The following HPGDS variants were observed in gnomAD, a reference collection of about 807,000 sequenced individuals.
HPGDS encodes the protein GST class-sigma.
A neutral mutation model predicts 23.1 loss-of-function variants in HPGDS; 26 were observed. That is an observed-to-expected ratio of 1.13 (90% confidence interval 0.83 to 1.56). The LOEUF is 1.56. Among genes scored for constraint, HPGDS ranks in the 40% most tolerant of loss-of-function variants. HPGDS has a pLI of 0.00. For synonymous variants in HPGDS, 95 were observed against 77.9 expected, an observed-to-expected ratio of 1.22 and a Z score of -1.16; for missense variants, 268 against 236.4, an observed-to-expected ratio of 1.13 and a Z score of -0.88.
At position 94,299,309 on chromosome 4, in the gene HPGDS, A is replaced by C; in HGVS notation, c.*171T>G. 3 of 570,560 alleles carry C rather than the reference A, an allele frequency of 5.3e-6. No homozygotes were observed. Among genetic ancestry groups the C allele is most frequent in the Non-Finnish European group, 8.9e-6 (3 of 336,368 alleles). 35.3% of individuals were successfully genotyped at this position (570,560 alleles called of 1,614,324 possible). A position where few individuals can be genotyped will look rare whatever the true frequency, so the allele number is the denominator to read the frequency against. On this transcript the variant is annotated 3_prime_UTR_variant, in exon 6 of 6. Transcript: ENST00000295256. ...GCTATTCTGAAAGAAAAAGATACTG[A>C]AGAAAGATTTGTTTTTATTTTCCTT... is the stretch of plus-strand genomic sequence containing the variant.
chr4:94,300,226 T>C (rs114246916), intron 5 of HPGDS, among the ~76,000 whole-genome samples: 35 of 152,346 alleles, frequency 2.3e-4, no homozygotes, highest in African/African-American at 8.4e-4. Context: ...TTAGAGGGTA[T>C]ATAATTTCAA....
At chr4:94,340,305 C>CTTTTTT (rs781532046) in intron 1 of HPGDS, among the ~76,000 whole-genome samples, 2 of 26,200 alleles carry the variant, frequency 7.6e-5, no homozygotes, top group African/African-American at 2.9e-4. Flanking sequence ...TTCTTTCTTT[C>CTTTTTT]TTTCTCTTTT....
chr4:94,315,485 G>GT (rs918092409), intron 3 of HPGDS, among the ~76,000 whole-genome samples: 7 of 151,702 alleles, frequency 4.6e-5, no homozygotes, highest in Non-Finnish European at 5.9e-5. Flanking sequence ...ATAATAGAGG[G>GT]TTTTTTTTCT....
At chr4:94,340,309 CTCTTTTTTTTTTTTTTTTTTTTTTTTTTT>C (rs1721124637) in intron 1 of HPGDS, among the ~76,000 whole-genome samples, 1 of 28,762 alleles carries the variant, frequency 3.5e-5, no homozygotes, top group East Asian at 1.2e-3. Flanking sequence ...TTCTTTCTTT[CTCTTTTTTTTTTTTTTTTTTTTTTTTTTT>C]TTTTTTTTTT....
chr4:94,319,659 C>T (rs934082502), intron 2 of HPGDS, among the ~76,000 whole-genome samples: 3 of 152,132 alleles, frequency 2.0e-5, no homozygotes, highest in Admixed American at 6.5e-5. Context: ...TAGATATCAT[C>T]CTTTCACTTC....
intron 2 of HPGDS, among the ~76,000 whole-genome samples, chr4:94,322,417 T>C (rs1560591287): frequency 6.6e-6 from 1 of 152,236 alleles, no homozygotes; most frequent in Non-Finnish European, 1.5e-5. Context: ...TGGTAGGCTA[T>C]TAATTATTGC....
chr4:94,338,908 C>A (rs1025866894), intron 1 of HPGDS, among the ~76,000 whole-genome samples: 20 of 152,066 alleles, frequency 1.3e-4, no homozygotes, highest in African/African-American at 4.8e-4. Flanking sequence ...ACCAAAATAG[C>A]CAAGACAAAG....
chr4:94,299,854 T>C (rs915143258), intron 5 of HPGDS, among the ~76,000 whole-genome samples: 1 of 152,228 alleles, frequency 6.6e-6, no homozygotes, highest in African/African-American at 2.4e-5. Context: ...GTGTATAAGA[T>C]ATTTTTCTAT....
intron 2 of HPGDS, among the ~76,000 whole-genome samples, chr4:94,331,143 T>C (rs1232312556): frequency 2.0e-5 from 3 of 152,218 alleles, no homozygotes; most frequent in Non-Finnish European, 4.4e-5. Context: ...GCTCTTCTTA[T>C]AGGTGCATAT....
chr4:94,299,730 T>C, intron 5 of HPGDS, 86 bp from the exon 6 acceptor site: 2 of 1,234,774 alleles, frequency 1.6e-6, no homozygotes. Context: ...TTTCTTAATC[T>C]AAAAGATTCA....
At chr4:94,319,420 G>T (rs1475952941) in intron 2 of HPGDS, among the ~76,000 whole-genome samples, 1 of 152,138 alleles carries the variant, frequency 6.6e-6, no homozygotes, top group East Asian at 1.9e-4. Context: ...CAGGTGAACA[G>T]AGTTAATTGT....
intron 2 of HPGDS, among the ~76,000 whole-genome samples, chr4:94,325,233 G>C (rs1377951134): frequency 6.6e-6 from 1 of 152,154 alleles, no homozygotes; most frequent in Non-Finnish European, 1.5e-5. Flanking sequence ...GCTACTCGGG[G>C]GTCAGGGACC....
At chr4:94,304,663 G>C (rs1756107532) in intron 4 of HPGDS, among the ~76,000 whole-genome samples, 1 of 152,052 alleles carries the variant, frequency 6.6e-6, no homozygotes, top group Admixed American at 6.6e-5. Context: ...TTGTTAATTA[G>C]ATAGTCTATA....
At chr4:94,315,675 A>T (rs568830342) in intron 3 of HPGDS, among the ~76,000 whole-genome samples, 71 of 152,348 alleles carry the variant, frequency 4.7e-4, no homozygotes, top group South Asian at 3.7e-3. Flanking sequence ...GATGAATTGT[A>T]TGTAAATTAT....
chr4:94,308,928 A>C (rs1024865591), intron 3 of HPGDS, among the ~76,000 whole-genome samples, 185 bp from the exon 4 acceptor site: 15 of 151,916 alleles, frequency 9.9e-5, no homozygotes, highest in African/African-American at 3.6e-4. Flanking sequence ...CACTTTAATT[A>C]GTATTCTACA....
intron 3 of HPGDS, among the ~76,000 whole-genome samples, chr4:94,313,507 G>A (rs1253622673): frequency 1.3e-5 from 2 of 152,240 alleles, no homozygotes; most frequent in African/African-American, 4.8e-5. Flanking sequence ...TGAGAGATCA[G>A]CTGTTAGTCT....
Position 94,298,718 on chromosome 4 carries a change from A to G in HPGDS, c.*762T>C, listed in dbSNP as rs558705704. The G allele has an allele frequency of 6.6e-6, 1 of 152,206 alleles. No individual in the cohort carries two copies. Among genetic ancestry groups the G allele is most frequent in the South Asian group, 2.1e-4 (1 of 4,818 alleles). 9.4% of individuals were successfully genotyped at this position (152,206 alleles called of 1,614,324 possible). On this transcript the variant is annotated 3_prime_UTR_variant, in exon 6 of 6. Coordinates refer to ENST00000295256, the MANE Select transcript of HPGDS (RefSeq NM_014485.3). ...TTTTCTCATCACAACAACTTTATTC[A>G]TGTCAGTAAATTCATCTTTACAAGT...
In HPGDS at chr4:94,300,857, G is replaced by A. The variant is rs141326501; in HGVS notation, c.436-1213C>T. 6.3e-3 allele frequency among the ~76,000 whole-genome samples: 960 copies of A among 152,266 alleles called. 10 individuals carry two copies. Among genetic ancestry groups the A allele is most frequent in the South Asian group, 9.5e-3 (46 of 4,826 alleles). On this transcript the variant is annotated intron_variant, in intron 5 of 5. Coordinates refer to ENST00000295256, the MANE Select transcript of HPGDS (RefSeq NM_014485.3). ...GCAGTGAGCAATCTGGGGATTAAGCGTTCCAGGTATAGGGAAATGCGTAAA... is the reference window on the plus strand; with the variant it reads ...GCAGTGAGCAATCTGGGGATTAAGCATTCCAGGTATAGGGAAATGCGTAAA...
intron 2 of HPGDS, among the ~76,000 whole-genome samples, chr4:94,319,251 A>G (rs1756456617): frequency 6.6e-6 from 1 of 152,166 alleles, no homozygotes; most frequent in Non-Finnish European, 1.5e-5. Context: ...TGCTGAATTG[A>G]CCACTTTATT....
Sources: allele counts gnomAD v4.1 joint callset (sites outside exome capture counted in the v4.1 genomes callset), GRCh38; gene constraint gnomAD v4.1.1; transcripts MANE v1.5; gene names NCBI Gene and HGNC (gene_info 2026-07-23, HGNC 2026-07-21).